Variants in RBFOX3 observed in about 807,000 individuals in gnomAD.
RBFOX3 encodes the protein RNA binding fox-1 homolog 3.
A neutral mutation model predicts 48.7 loss-of-function variants in RBFOX3; 17 were observed. The ratio of observed to expected loss-of-function variants is 0.35; its 90% confidence interval spans 0.24 to 0.52. RBFOX3 has a LOEUF of 0.52. RBFOX3 is among the 20% of genes least tolerant of loss of function. The probability of loss-of-function intolerance (pLI) is 0.94; values close to 1 mark genes in which losing one functional copy is unlikely to be tolerated. For synonymous variants in RBFOX3, 212 were observed against 209.5 expected, an observed-to-expected ratio of 1.01 and a Z score of -0.10; for missense variants, 382 against 497.5, an observed-to-expected ratio of 0.77 and a Z score of 2.21.
At chr17:79,224,245 C>A (rs2060063375) in intron 4 of RBFOX3, among the ~76,000 whole-genome samples, 1 of 152,156 alleles carries the variant, frequency 6.6e-6, no homozygotes, top group Non-Finnish European at 1.5e-5. Flanking sequence ...TCCAGGCAGC[C>A]CACCCGATGG....
intron 2 of RBFOX3, among the ~76,000 whole-genome samples, chr17:79,368,100 A>T (rs892454353): frequency 2.6e-5 from 4 of 152,198 alleles, no homozygotes; most frequent in African/African-American, 9.7e-5. Flanking sequence ...TGGGGACAGA[A>T]GTTCCTGTCC....
chr17:79,321,698 A>C (rs2078544087), intron 2 of RBFOX3, among the ~76,000 whole-genome samples: 1 of 131,286 alleles, frequency 7.6e-6, no homozygotes, highest in South Asian at 2.6e-4. Context: ...GGCTTTCAGG[A>C]ATCTGGCTTT....
chr17:79,366,646 G>A (rs974288183), intron 2 of RBFOX3, among the ~76,000 whole-genome samples: 1 of 152,082 alleles, frequency 6.6e-6, no homozygotes, highest in South Asian at 2.1e-4. Flanking sequence ...CAGCCGCCTC[G>A]CCGCCAGCCC....
intron 2 of RBFOX3, among the ~76,000 whole-genome samples, chr17:79,407,589 T>C (rs2063721465): frequency 6.6e-6 from 1 of 152,120 alleles, no homozygotes; most frequent in Admixed American, 6.5e-5. Flanking sequence ...AGACAATAAA[T>C]GAGGCTCCGC....
At chr17:79,356,372 T>TTTTTTGTTTTTTTTTTTG (rs1598370441) in intron 2 of RBFOX3, among the ~76,000 whole-genome samples, 1 of 73,940 alleles carries the variant, frequency 1.4e-5, no homozygotes, top group Non-Finnish European at 2.9e-5. Flanking sequence ...TTTTTTTTTT[T>TTTTTTGTTTTTTTTTTTG]TTTTTTTTTT....
chr17:79,529,479 G>A lies in RBFOX3; in HGVS notation c.-319-46881C>T, dbSNP rs993153950. The stretch of plus-strand genomic sequence containing the variant: ...AGACTGGGGTGCAGGAGTGGGATGC[G>A]TGCAAAGAAGCGGCTAGCTAAAGTG... On this transcript the variant is annotated intron_variant, in intron 1 of 14. Coordinates refer to ENST00000693108, the MANE Select transcript of RBFOX3 (RefSeq NM_001350451.2). Among the ~76,000 whole-genome samples, 4 of 152,310 alleles carry A rather than the reference G, an allele frequency of 2.6e-5. No homozygotes were observed. The South Asian group carries it at 6.2e-4, about 24-fold the overall frequency.
At chr17:79,342,078 G>T (rs531660240) in intron 2 of RBFOX3, among the ~76,000 whole-genome samples, 72 of 152,348 alleles carry the variant, frequency 4.7e-4, no homozygotes, top group African/African-American at 1.5e-3. Context: ...GGCATTAGAG[G>T]CGATAAAAGC....
chr17:79,280,747 C>T (rs552781928), intron 3 of RBFOX3, among the ~76,000 whole-genome samples: 10 of 150,980 alleles, frequency 6.6e-5, no homozygotes, highest in East Asian at 2.0e-4. Flanking sequence ...CACAATGAAC[C>T]GAAGCATCCA....
chr17:79,348,430 C>T (rs1040597018), intron 2 of RBFOX3, among the ~76,000 whole-genome samples: 2 of 152,188 alleles, frequency 1.3e-5, no homozygotes, highest in South Asian at 2.1e-4. Flanking sequence ...TAGCCCCATG[C>T]ACAATGATTT....
chr17:79,105,396 G>A (rs2077181252), intron 6 of RBFOX3, among the ~76,000 whole-genome samples: 1 of 152,206 alleles, frequency 6.6e-6, no homozygotes, highest in Non-Finnish European at 1.5e-5. Context: ...TATGTAAACA[G>A]GTCCCCTGCA....
intron 3 of RBFOX3, among the ~76,000 whole-genome samples, chr17:79,296,137 G>A (rs961535517): frequency 6.6e-6 from 1 of 152,148 alleles, no homozygotes; most frequent in Non-Finnish European, 1.5e-5. Context: ...GCAGGCTGCT[G>A]ACACAGCCAA....
At chr17:79,396,898 G>A (rs775332712) in intron 2 of RBFOX3, among the ~76,000 whole-genome samples, 16 of 152,222 alleles carry the variant, frequency 1.1e-4, no homozygotes, top group Non-Finnish European at 1.8e-4. Flanking sequence ...CCGTGAAGCC[G>A]GGCCAGGGTG....
chr17:79,130,915 T>C (rs748441664), intron 4 of RBFOX3, among the ~76,000 whole-genome samples: 87 of 152,232 alleles, frequency 5.7e-4, no homozygotes, highest in Non-Finnish European at 1.1e-3. Context: ...GCCGTGGTGC[T>C]AGGACACGGT....
chr17:79,496,779 C>T (rs1265675799), intron 1 of RBFOX3, among the ~76,000 whole-genome samples: 1 of 152,202 alleles, frequency 6.6e-6, no homozygotes, highest in Non-Finnish European at 1.5e-5. Flanking sequence ...CACCTCTGAG[C>T]CTCCCATGCG....
At chr17:79,504,885 C>T (rs982105292) in intron 1 of RBFOX3, among the ~76,000 whole-genome samples, 4 of 152,110 alleles carry the variant, frequency 2.6e-5, no homozygotes, top group East Asian at 1.9e-4. Context: ...CAGATGCGGA[C>T]GTGCGTGAGG....
intron 4 of RBFOX3, among the ~76,000 whole-genome samples, chr17:79,209,765 G>A (rs948488506): frequency 6.6e-6 from 1 of 151,890 alleles, no homozygotes; most frequent in Non-Finnish European, 1.5e-5. Context: ...AGGCGGAGGC[G>A]GGTGGATCAC....
At chr17:79,162,791 C>T (rs564672689) in intron 4 of RBFOX3, among the ~76,000 whole-genome samples, 106 of 151,922 alleles carry the variant, frequency 7.0e-4, no homozygotes, top group Non-Finnish European at 1.4e-3. Flanking sequence ...GAGGGGACGG[C>T]GGAGAGAGCA....
At chr17:79,491,177 GGGAGGGGAGGAGAGA>G (rs1555772466) in intron 1 of RBFOX3, among the ~76,000 whole-genome samples, 2 of 84,382 alleles carry the variant, frequency 2.4e-5, no homozygotes, top group African/African-American at 5.2e-5. Context: ...GGGAGGAGAG[GGGAGGGGAGGAGAGA>G]GGAGGGCAGG....
At chr17:79,558,824 T>A (rs1234816946) in intron 1 of RBFOX3, among the ~76,000 whole-genome samples, 1 of 151,764 alleles carries the variant, frequency 6.6e-6, no homozygotes, top group Admixed American at 6.6e-5. Flanking sequence ...ACATTGACAA[T>A]GGTGGGGGGT....
Sources: gnomAD v4.1 joint callset for allele counts (sites outside exome capture counted in the v4.1 genomes callset) on GRCh38, gnomAD v4.1.1 for gene constraint, MANE v1.5 for transcripts, NCBI Gene and HGNC (gene_info 2026-07-23, HGNC 2026-07-21) for gene names.